Variants in NR2F1-AS1 observed in about 807,000 individuals in gnomAD.
The protein encoded by NR2F1-AS1 is NR2F1 regulatory antisense RNA 1, also known as NR2F1 antisense RNA 1.
intron 1 of NR2F1-AS1, chr5:93,571,329 C>A (rs1752762192): frequency 6.6e-6 from 1 of 151,562 alleles, no homozygotes; most frequent in Non-Finnish European, 1.5e-5. Flanking sequence ...GACCAGACCA[C>A]GACCTTGGAG....
At chr5:93,578,473 G>T (rs1433275008) in intron 1 of NR2F1-AS1, among the ~76,000 whole-genome samples, 4 of 151,990 alleles carry the variant, frequency 2.6e-5, no homozygotes, top group Admixed American at 6.6e-5. Context: ...GGAAGGAAGG[G>T]AGGCTCCCGG....
rs560458468 is a variant in NR2F1-AS1 at position 93,462,664 on chromosome 5, C to T, written n.639-67122G>A. Among the ~76,000 whole-genome samples the T allele has an allele frequency of 3.9e-5, 6 of 152,226 alleles. No individual in the cohort carries two copies. In the South Asian group the frequency reaches 1.2e-3, roughly 32 times the overall value. On this transcript the variant is annotated intron_variant and non_coding_transcript_variant, in intron 4 of 5. Coordinates refer to ENST00000660523, the Ensembl canonical transcript of NR2F1-AS1. ...TTGTTGAATGGCTCTGACAAAAATG[C>T]TGATAATGATATGGACAATGAAATC...
chr5:93,424,504 C>T (rs1054698223), intron 4 of NR2F1-AS1, among the ~76,000 whole-genome samples: 1 of 152,044 alleles, frequency 6.6e-6, no homozygotes, highest in Non-Finnish European at 1.5e-5. Flanking sequence ...CAGGTCCTTT[C>T]TCTTCTTCCT....
At chr5:93,581,593 CCG>C (rs1561518723), upstream of NR2F1-AS1, among the ~76,000 whole-genome samples, 1 of 151,278 alleles carries the variant, frequency 6.6e-6, no homozygotes, top group Non-Finnish European at 1.5e-5. Flanking sequence ...GCAAGCCCCG[CCG>C]CGGGACCCGC....
At chr5:93,456,204 AAAC>A (rs1271110964) in intron 4 of NR2F1-AS1, among the ~76,000 whole-genome samples, 3 of 152,230 alleles carry the variant, frequency 2.0e-5, no homozygotes, top group Non-Finnish European at 2.9e-5. Context: ...GTAAAACAGA[AAAC>A]AACAACCTAC....
At chr5:93,473,950 GTCT>G (rs1257295000) in intron 4 of NR2F1-AS1, among the ~76,000 whole-genome samples, 1 of 151,840 alleles carries the variant, frequency 6.6e-6, no homozygotes, top group Non-Finnish European at 1.5e-5. Flanking sequence ...TATCCTTTAT[GTCT>G]TCTTTGTAAA....
intron 4 of NR2F1-AS1, among the ~76,000 whole-genome samples, chr5:93,447,857 T>C (rs979443890): frequency 6.6e-6 from 1 of 152,208 alleles, no homozygotes; most frequent in African/African-American, 2.4e-5. Flanking sequence ...CACCATGGAA[T>C]ACTATGCAGC....
At chr5:93,412,598 A>T (rs887332202) in intron 4 of NR2F1-AS1, among the ~76,000 whole-genome samples, 2 of 152,186 alleles carry the variant, frequency 1.3e-5, no homozygotes, top group Non-Finnish European at 2.9e-5. Flanking sequence ...CTCAATCCTC[A>T]GAGCTGGCAT....
chr5:93,463,883 C>T (rs1013301032), intron 4 of NR2F1-AS1, among the ~76,000 whole-genome samples: 1 of 152,168 alleles, frequency 6.6e-6, no homozygotes, highest in Non-Finnish European at 1.5e-5. Flanking sequence ...AACTAACTTG[C>T]TTTTGATTTT....
intron 4 of NR2F1-AS1, among the ~76,000 whole-genome samples, chr5:93,425,371 A>G (rs1749174792): frequency 6.6e-6 from 1 of 152,186 alleles, no homozygotes; most frequent in African/African-American, 2.4e-5. Flanking sequence ...ACAGGGTTCC[A>G]AGTGCAGAAG....
At chr5:93,453,434 C>G (rs1281259002) in intron 4 of NR2F1-AS1, among the ~76,000 whole-genome samples, 1 of 151,546 alleles carries the variant, frequency 6.6e-6, no homozygotes, top group Non-Finnish European at 1.5e-5. Context: ...AAATAAATAA[C>G]AGATGCAAAT....
intron 4 of NR2F1-AS1, among the ~76,000 whole-genome samples, chr5:93,494,882 T>C (rs552267069): frequency 1.3e-5 from 2 of 152,156 alleles, no homozygotes; most frequent in African/African-American, 4.8e-5. Context: ...CAAATTGTGG[T>C]ATTGGGGTGT....
At chr5:93,422,579 T>C (rs989465152) in intron 4 of NR2F1-AS1, among the ~76,000 whole-genome samples, 1 of 152,100 alleles carries the variant, frequency 6.6e-6, no homozygotes, top group Non-Finnish European at 1.5e-5. Context: ...CTTTTCCTTT[T>C]ATTTTGGTGT....
intron 4 of NR2F1-AS1, among the ~76,000 whole-genome samples, chr5:93,526,718 T>C (rs920986120): frequency 1.1e-4 from 17 of 151,958 alleles, no homozygotes; most frequent in African/African-American, 3.6e-4. Flanking sequence ...ACGTAATACA[T>C]CACATAAACA....
At chr5:93,476,535 C>T in intron 4 of NR2F1-AS1, among the ~76,000 whole-genome samples, 1 of 152,114 alleles carries the variant, frequency 6.6e-6, no homozygotes, top group East Asian at 1.9e-4. Context: ...TGAAATGGTT[C>T]TAATTAAAGT....
intron 4 of NR2F1-AS1, among the ~76,000 whole-genome samples, chr5:93,489,751 G>A (rs914053716): frequency 2.0e-5 from 3 of 152,294 alleles, no homozygotes; most frequent in East Asian, 3.9e-4. Flanking sequence ...CCTGTCTCAA[G>A]TACATGTTTG....
At chr5:93,531,743 A>G (rs906168203) in intron 4 of NR2F1-AS1, among the ~76,000 whole-genome samples, 8 of 152,210 alleles carry the variant, frequency 5.3e-5, no homozygotes, top group African/African-American at 1.9e-4. Flanking sequence ...AAACTGACCA[A>G]GATCGAAGTT....
intron 2 of NR2F1-AS1, among the ~76,000 whole-genome samples, chr5:93,558,166 C>A (rs1752403978): frequency 1.3e-5 from 2 of 152,128 alleles, no homozygotes; most frequent in Non-Finnish European, 2.9e-5. Context: ...ATATCTTGTC[C>A]ATGTTGATAT....
intron 2 of NR2F1-AS1, among the ~76,000 whole-genome samples, chr5:93,561,983 CATTTA>C (rs1752498812): frequency 6.6e-6 from 1 of 151,728 alleles, no homozygotes; most frequent in Non-Finnish European, 1.5e-5. Flanking sequence ...TAAATTGACA[CATTTA>C]ATTTAAACAA....
Sources: allele counts gnomAD v4.1 joint callset (sites outside exome capture counted in the v4.1 genomes callset), GRCh38; gene constraint gnomAD v4.1.1; transcripts MANE v1.5; gene names NCBI Gene and HGNC (gene_info 2026-07-23, HGNC 2026-07-21).